MCM3: variants seen among roughly 807,000 people sequenced by gnomAD.
MCM3 encodes the protein minichromosome maintenance complex component 3, also known as DNA replication licensing factor MCM3.
Under a neutral mutation model 91.3 loss-of-function variants are expected in MCM3, and 59 were observed. That is an observed-to-expected ratio of 0.65 (90% CI 0.52 to 0.80). The LOEUF is 0.80. Ranked by LOEUF, MCM3 falls within the 30% of genes least tolerant of loss-of-function variation. MCM3 has a pLI of 0.00. For synonymous variants in MCM3, 383 were observed against 379.6 expected, an observed-to-expected ratio of 1.01 and a Z score of -0.10; for missense variants, 919 against 1,035.4, an observed-to-expected ratio of 0.89 and a Z score of 1.54.
chr6:52,276,449 A>C lies in MCM3; in HGVS notation c.1193T>G (p.Met398Arg), dbSNP rs749835300. Reference protein sequence around the residue: ...TGERRLEAGAMVLADRGVVCI... With the variant: ...TGERRLEAGARVLADRGVVCI... ...AACCACGCCTCGGTCAGCCAGGACCATGGCCCCTGCTTCCAGACGGCGCTC... is the reference window on the plus strand; with the variant it reads ...AACCACGCCTCGGTCAGCCAGGACCCTGGCCCCTGCTTCCAGACGGCGCTC... The change falls in exon 9 of 17, where the codon ATG (methionine) becomes AGG (arginine). Residue 398 changes from methionine (M) to arginine (R), a missense_variant. Transcript: ENST00000596288. The C allele has an allele frequency of 1.9e-6, 3 of 1,614,206 alleles. No homozygotes were observed.
chr6:52,272,270 A>AC (rs1765194323), intron 12 of MCM3, 31 bp downstream of exon 12: 1 of 1,607,052 alleles, frequency 6.2e-7, no homozygotes, highest in African/African-American at 1.3e-5. Context: ...TACCTAAGGG[A>AC]CCCCAAGCCT....
At position 52,264,489 on chromosome 6, in the gene MCM3, A is replaced by T; in HGVS notation, c.*99T>A. 1 of 1,284,418 alleles carries T rather than the reference A, an allele frequency of 7.8e-7. No individual in the cohort carries two copies. The highest frequency in any genetic ancestry group is 1.1e-6 in the Non-Finnish European group (1 of 899,180). The allele number at this position is 1,284,418 out of a possible 1,614,324, so 79.6% of individuals were successfully genotyped here. ...TTCCTCGCCTTCAGTTGAATTCAAC[A>T]CTGTTAAGGGAGTAGAGGCAAAGAC... On this transcript the variant is annotated 3_prime_UTR_variant, in exon 17 of 17. Coordinates refer to ENST00000596288, the MANE Select transcript of MCM3 (RefSeq NM_002388.6).
intron 11 of MCM3, 62 bp downstream of exon 11, chr6:52,273,168 C>A: frequency 6.2e-7 from 1 of 1,603,070 alleles, no homozygotes; most frequent in Non-Finnish European, 8.5e-7. Flanking sequence ...CTTAGATATA[C>A]ACATGCTCTA....
At chr6:52,266,721 GA>G in intron 14 of MCM3, 25 bp from the exon 15 acceptor site, 1 of 1,588,588 alleles carries the variant, frequency 6.3e-7, no homozygotes, top group Non-Finnish European at 8.6e-7. Flanking sequence ...GCAGTTAAGA[GA>G]GAGAAAGAGT....
In MCM3 at chr6:52,277,091, C is replaced by T. The variant is rs761801906; in HGVS notation, c.1141G>A (p.Ala381Thr). ...RGSSGVGLTA[A>T]VTTDQETGER... The stretch of plus-strand genomic sequence containing the variant: ...CCTGTTTCCTGGTCTGTGGTGACAG[C>T]AGCCGTCAGACCCACTCCAGAGGAG... The change falls in exon 8 of 17, where the codon GCT becomes ACT. Residue 381 changes from alanine (A) to threonine (T), a missense_variant. Transcript: ENST00000596288. The T allele has an allele frequency of 2.5e-6, 4 of 1,613,976 alleles. No individual in the cohort carries two copies. Among genetic ancestry groups the T allele is most frequent in the Non-Finnish European group, 2.5e-6 (3 of 1,179,916 alleles).
intron 11 of MCM3, 111 bp downstream of exon 11, chr6:52,273,119 G>C: frequency 2.3e-6 from 3 of 1,287,790 alleles, no homozygotes; most frequent in South Asian, 2.6e-5. Context: ...TATGACTCCA[G>C]GCATGGCTTT....
At chr6:52,264,981 G>T (rs1032759970) in intron 16 of MCM3, among the ~76,000 whole-genome samples, 195 bp from the exon 17 acceptor site, 1 of 152,174 alleles carries the variant, frequency 6.6e-6, no homozygotes, top group Non-Finnish European at 1.5e-5. Context: ...TTGTACTAGC[G>T]TGTGGGAAAT....
chr6:52,264,817 A>G (rs566850468), intron 16 of MCM3, 31 bp from the exon 17 acceptor site: 1 of 1,603,472 alleles, frequency 6.2e-7, no homozygotes, highest in African/African-American at 1.3e-5. Context: ...GGGGAAGAGG[A>G]GTAAACAAAC....
rs779742083 is a variant in MCM3 at position 52,278,709 on chromosome 6, T to C, written c.879+33A>G. 6 of 1,469,258 alleles carry C rather than the reference T, an allele frequency of 4.1e-6. No individual in the cohort carries two copies. In the South Asian group the frequency reaches 6.9e-5, roughly 17 times the overall value. The allele number at this position is 1,469,258 out of a possible 1,614,324, so 91.0% of individuals were successfully genotyped here. On this transcript the variant is annotated intron_variant, in intron 6 of 16. Coordinates refer to ENST00000596288, the MANE Select transcript of MCM3 (RefSeq NM_002388.6). The stretch of plus-strand genomic sequence containing the variant: ...CAAAACACAACTCTTAGAAATCCAT[T>C]CCCACCCTCAAATTTCTAAAGGATG...
intron 16 of MCM3, 24 bp from the exon 17 acceptor site, chr6:52,264,810 G>C: frequency 6.2e-7 from 1 of 1,609,448 alleles, no homozygotes; most frequent in Non-Finnish European, 8.5e-7. Flanking sequence ...AAGAAAGGGG[G>C]AAGAGGAGTA....
intron 5 of MCM3, 34 bp from the exon 6 acceptor site, chr6:52,278,884 T>G (rs759215476): frequency 1.1e-5 from 16 of 1,478,264 alleles, no homozygotes; most frequent in African/African-American, 1.4e-5. Flanking sequence ...AAACCCGTTA[T>G]ATTCAATTCC....
chr6:52,269,004 G>T, intron 13 of MCM3, 82 bp downstream of exon 13: 1 of 1,436,728 alleles, frequency 7.0e-7, no homozygotes, highest in Non-Finnish European at 9.4e-7. Context: ...AAATGTAGCC[G>T]TCAGCCACGG....
rs537585387 is a variant in MCM3, at chr6:52,276,612, C to G, written c.1166-136G>C. 383 of 722,234 alleles carry G rather than the reference C, an allele frequency of 5.3e-4. 4 individuals carry two copies. In the South Asian group the frequency reaches 7.0e-3, roughly 13 times the overall value. The allele number at this position is 722,234 out of a possible 1,614,324, so 44.7% of individuals were successfully genotyped here. ...GCAATGGTGTGTTGGCTCCGAGAAA[C>G]TTAGAGGAAACCCTGGTGGGTCACC... On this transcript the variant is annotated intron_variant, in intron 8 of 16. Coordinates refer to ENST00000596288, the MANE Select transcript of MCM3 (RefSeq NM_002388.6).
intron 1 of MCM3, 22 bp from the exon 2 acceptor site, chr6:52,283,428 T>C: frequency 1.3e-6 from 2 of 1,481,640 alleles, no homozygotes; most frequent in Non-Finnish European, 1.9e-6. Flanking sequence ...CCACCACATA[T>C]CACCATAGCC....
At chr6:52,283,849 C>T (rs977420552) in intron 1 of MCM3, among the ~76,000 whole-genome samples, 3 of 152,218 alleles carry the variant, frequency 2.0e-5, no homozygotes, top group African/African-American at 2.4e-5. Context: ...TATATCAAAA[C>T]ATGTGCACTT....
chr6:52,282,684 A>C lies in MCM3; in HGVS notation c.369T>G (p.Cys123Trp), dbSNP rs559245707. 1.2e-6 allele frequency: 2 copies of C among 1,613,616 alleles called. No individual in the cohort carries two copies. Among genetic ancestry groups the C allele is most frequent in the African/African-American group, 2.7e-5 (2 of 75,022 alleles). ...PRTLTSCFLS[C>W]VVCVEGIVTK... is the part of the protein sequence containing the mutation. The stretch of plus-strand genomic sequence containing the variant: ...TGACAATGCCCTCCACACAGACCAC[A>C]CAGCTGAGGAAGCAGGAGGTAAGAG... The change falls in exon 3 of 17, where the codon TGT (cysteine) becomes TGG (tryptophan). Residue 123 changes from cysteine to tryptophan, a missense_variant. Physicochemically the swap from Cys to Trp is radical, Grantham distance 215. Coordinates refer to ENST00000596288, the MANE Select transcript of MCM3 (RefSeq NM_002388.6).
At chr6:52,274,838 T>C (rs899922538) in intron 9 of MCM3, among the ~76,000 whole-genome samples, 2 of 152,202 alleles carry the variant, frequency 1.3e-5, no homozygotes, top group Admixed American at 1.3e-4. Flanking sequence ...GTAATAATGA[T>C]TTTGACCATG....
At position 52,273,887 on chromosome 6, in the gene MCM3, G is replaced by T; in HGVS notation, c.1404C>A (p.Asn468Lys). ...RYDQYKTPME[N>K]IGLQDSLLSR... Reference sequence around the variant, plus strand: ...ACAGCAGTGAGTCCTGTAGCCCAATGTTCTCCATTGGAGTCTTATACTGGT... The same window carrying T: ...ACAGCAGTGAGTCCTGTAGCCCAATTTTCTCCATTGGAGTCTTATACTGGT... The change falls in exon 10 of 17, where the codon AAC (asparagine) becomes AAA (lysine). Residue 468 changes from asparagine (N) to lysine (K), a missense_variant. By Grantham distance (94) the Asn-to-Lys change is moderately conservative. Coordinates refer to ENST00000596288, the MANE Select transcript of MCM3 (RefSeq NM_002388.6). 1 of 1,613,976 alleles carries T rather than the reference G, an allele frequency of 6.2e-7. No individual in the cohort carries two copies. The highest frequency in any genetic ancestry group is 8.5e-7 in the Non-Finnish European group (1 of 1,179,924).
chr6:52,277,387 G>GAA, intron 7 of MCM3, 148 bp downstream of exon 7: 1 of 952,958 alleles, frequency 1.0e-6, no homozygotes, highest in African/African-American at 1.9e-5. Context: ...TTCCAGAGAT[G>GAA]ACAAAAAAAA....
Sources: gnomAD v4.1 joint callset for allele counts (sites outside exome capture counted in the v4.1 genomes callset) on GRCh38, gnomAD v4.1.1 for gene constraint, MANE v1.5 for transcripts, NCBI Gene and HGNC (gene_info 2026-07-23, HGNC 2026-07-21) for gene names.